TRAF7: variants seen among roughly 807,000 people sequenced by gnomAD.
TRAF7 encodes the protein TNF receptor associated factor 7.
In TRAF7, 45 loss-of-function variants were observed where a neutral mutation model predicts 89.3. The ratio of observed to expected loss-of-function variants is 0.50; its 90% confidence interval spans 0.40 to 0.65. The LOEUF is 0.65. Ranked by LOEUF, TRAF7 falls within the 30% of genes least tolerant of loss-of-function variation. TRAF7 has a pLI of 0.00. For synonymous variants in TRAF7, 406 were observed against 369.2 expected (o/e 1.10, Z -1.14); for missense variants, 677 against 918.1 (o/e 0.74, Z 3.39).
intron 4 of TRAF7, among the ~76,000 whole-genome samples, chr16:2,169,018 T>C (rs750603319): frequency 6.6e-6 from 1 of 152,112 alleles, no homozygotes; most frequent in Non-Finnish European, 1.5e-5. Context: ...GGACTTTTGC[T>C]CTTGCTGCCC....
intron 20 of TRAF7, 86 bp from the exon 21 acceptor site, chr16:2,176,474 G>C: frequency 6.2e-7 from 1 of 1,613,080 alleles, no homozygotes; most frequent in Non-Finnish European, 8.5e-7. Flanking sequence ...GCACAAAGTG[G>C]TGGAGGGCAG....
At chr16:2,171,949 ACTCTGCC>A (rs1366251315) in intron 7 of TRAF7, among the ~76,000 whole-genome samples, 6 of 151,488 alleles carry the variant, frequency 4.0e-5, no homozygotes, top group Admixed American at 1.3e-4. Context: ...GCCTCTCCGC[ACTCTGCC>A]CTCTGCCCTC....
Position 2,168,859 on chromosome 16 carries a change from A to T in TRAF7, c.231+691A>T, listed in dbSNP as rs2093097345. ...GACAGAGGCCAACTCTACCCTGGGCATGAAGGACTGGCCCAGCAGGGGGTG... is the reference window on the plus strand; with the variant it reads ...GACAGAGGCCAACTCTACCCTGGGCTTGAAGGACTGGCCCAGCAGGGGGTG... On this transcript the variant is annotated intron_variant, in intron 4 of 20. Transcript: ENST00000326181. This position sits in a 1 kb window ranked among gnomAD's most constrained non-coding sequence, Gnocchi z 4.1. Among the ~76,000 whole-genome samples, 1 of 151,616 alleles carries T rather than the reference A, an allele frequency of 6.6e-6. No homozygotes were observed. Among genetic ancestry groups the T allele is most frequent in the Non-Finnish European group, 1.5e-5 (1 of 67,912 alleles).
At position 2,163,018 on chromosome 16, in the gene TRAF7, C is replaced by CA. The variant is rs2093063879; in HGVS notation, c.-38-865_-38-864insA. ...CAGCATGGACAGCCCCTTCCCCGGG[C>CA]TCTGTCCTGGGTGTGACCTGTTGGC... On this transcript the variant is annotated intron_variant, in intron 1 of 20. Transcript: ENST00000326181. This position sits in a 1 kb window ranked among gnomAD's most constrained non-coding sequence, Gnocchi z 4.3. Among the ~76,000 whole-genome samples the CA allele has an allele frequency of 6.6e-6, 1 of 151,166 alleles. No individual in the cohort carries two copies. Among genetic ancestry groups the CA allele is most frequent in the Non-Finnish European group, 1.5e-5 (1 of 67,806 alleles).
chr16:2,165,381 C>T (rs1180091611), intron 2 of TRAF7, among the ~76,000 whole-genome samples: 13 of 138,688 alleles, frequency 9.4e-5, no homozygotes, highest in African/African-American at 3.1e-4. Flanking sequence ...GCGGCCTGGT[C>T]GCATGGTTAA....
Position 2,171,349 on chromosome 16 carries a change from C to T in TRAF7, c.434C>T (p.Thr145Met), listed in dbSNP as rs768242605. 37 of 1,551,856 alleles carry T rather than the reference C, an allele frequency of 2.4e-5. No homozygotes were observed. The highest frequency in any genetic ancestry group is 7.3e-5 in the East Asian group (3 of 41,292). Reference protein sequence around the residue: ...CSVFKDPVITTCGHTFCRRCA... With the variant: ...CSVFKDPVITMCGHTFCRRCA... ...GTCTTCAAAGACCCCGTGATCACCACGTGTGGGGTGAGCCCGCCGCCCTTC... is the reference window on the plus strand; with the variant it reads ...GTCTTCAAAGACCCCGTGATCACCATGTGTGGGGTGAGCCCGCCGCCCTTC... The change falls in exon 6 of 21, where the codon ACG (threonine) becomes ATG (methionine). Residue 145 changes from threonine to methionine, a missense_variant. Coordinates refer to ENST00000326181, the MANE Select transcript of TRAF7 (RefSeq NM_032271.3).
intron 1 of TRAF7, among the ~76,000 whole-genome samples, chr16:2,156,597 AG>A (rs1182570713): frequency 6.6e-6 from 1 of 152,034 alleles, no homozygotes; most frequent in Non-Finnish European, 1.5e-5. Context: ...GACATGCAGG[AG>A]GAGCATTCCA....
At position 2,176,106 on chromosome 16, in the gene TRAF7, G is replaced by C; in HGVS notation, c.1804G>C (p.Val602Leu). Residue 602 changes from valine (V) to leucine (L), a missense_variant, in exon 19 of 21, where the codon GTG becomes CTG. By Grantham distance (32) the Val-to-Leu change is conservative. Transcript: ENST00000326181. ...VRTLTGHVGT[V>L]YALAVISTPD... ...GACCCTCACGGGCCACGTGGGCACCGTGTATGCCCTGGCGGTCATCTCGAC... is the reference window on the plus strand; with the variant it reads ...GACCCTCACGGGCCACGTGGGCACCCTGTATGCCCTGGCGGTCATCTCGAC... 6.2e-7 allele frequency: 1 copy of C among 1,611,386 alleles called. No homozygotes were observed. Among genetic ancestry groups the C allele is most frequent in the Non-Finnish European group, 8.5e-7 (1 of 1,179,582 alleles).
Position 2,173,363 on chromosome 16 carries a change from A to G in TRAF7, c.976A>G (p.Ile326Val), listed in dbSNP as rs2093121678. The change falls in exon 10 of 21, where the codon ATC becomes GTC. Residue 326 changes from isoleucine to valine, a missense_variant. By Grantham distance (29) the Ile-to-Val change is conservative. This residue lies in a region of TRAF7 where 238 missense variants were observed against 352.6 expected (regional missense o/e 0.67). Transcript: ENST00000326181. ...RSMLGKLSEKIDQLEKSLELK... is the reference protein window; with the variant it reads ...RSMLGKLSEKVDQLEKSLELK... Reference sequence around the variant, plus strand: ...CATGCTGGGAAAGCTCTCGGAGAAGATCGACCAGCTAGAGAAGAGCCTGGA... The same window carrying G: ...CATGCTGGGAAAGCTCTCGGAGAAGGTCGACCAGCTAGAGAAGAGCCTGGA... The G allele has an allele frequency of 6.2e-7, 1 of 1,613,444 alleles. No individual in the cohort carries two copies. The highest frequency in any genetic ancestry group is 8.5e-7 in the Non-Finnish European group (1 of 1,180,012).
Position 2,168,316 on chromosome 16 carries a change from A to T in TRAF7, c.231+148A>T, listed in dbSNP as rs2093095057. ...TGTGGATACCCTGAGGCCTCGGCAG[A>T]CATGGCAAGTCTGTGAGAAAGGAGG... On this transcript the variant is annotated intron_variant, in intron 4 of 20. Coordinates refer to ENST00000326181, the MANE Select transcript of TRAF7 (RefSeq NM_032271.3). This position sits in a 1 kb window ranked among gnomAD's most constrained non-coding sequence, Gnocchi z 4.1. 2 of 627,168 alleles carry T rather than the reference A, an allele frequency of 3.2e-6. No homozygotes were observed. Among genetic ancestry groups the T allele is most frequent in the Non-Finnish European group, 5.4e-6 (2 of 371,594 alleles). The allele number at this position is 627,168 out of a possible 1,614,324, so 38.9% of individuals were successfully genotyped here.
chr16:2,163,653 T>G lies in TRAF7; in HGVS notation c.-38-230T>G. 3.9e-6 allele frequency: 2 copies of G among 513,910 alleles called. No homozygotes were observed. The highest frequency in any genetic ancestry group is 7.1e-6 in the Non-Finnish European group (2 of 282,712). 31.8% of individuals were successfully genotyped at this position (513,910 alleles called of 1,614,324 possible). A position where few individuals can be genotyped will look rare whatever the true frequency, so the allele number is the denominator to read the frequency against. On this transcript the variant is annotated intron_variant, in intron 1 of 20. Transcript: ENST00000326181. The surrounding 1 kb of genome is among the most constrained non-coding windows in gnomAD (Gnocchi z 4.3). ...TCGGGAGCTCAGAAAGGCTAAGCCT[T>G]GAGGGACGGTGACGCAGAGCCGCCT...
Position 2,177,487 on chromosome 16 carries a change from G to A in TRAF7, c.*913G>A, listed in dbSNP as rs2093143221. The A allele has an allele frequency of 4.3e-6, 1 of 233,382 alleles. No individual in the cohort carries two copies. Among genetic ancestry groups the A allele is most frequent in the South Asian group, 1.8e-4 (1 of 5,600 alleles). The allele number at this position is 233,382 out of a possible 1,614,324, so 14.5% of individuals were successfully genotyped here. ...GTGGATCAGCAAACACGATAGAGGA[G>A]ACCAGTCAGTACTTCTTGGAGGGGG... On this transcript the variant is annotated 3_prime_UTR_variant, in exon 21 of 21. Transcript: ENST00000326181.
intron 1 of TRAF7, among the ~76,000 whole-genome samples, chr16:2,157,726 G>C (rs941219819): frequency 6.6e-6 from 1 of 152,098 alleles, no homozygotes; most frequent in African/African-American, 2.4e-5. Context: ...CCTGGCTCTG[G>C]GATGCAGCCA....
In TRAF7 at chr16:2,170,475, G is replaced by A. The variant is rs1426437790; in HGVS notation, c.232-139G>A. ...CCCACGCCCACCCACGGCCCCCGTG[G>A]ACGAGGAGAGTACCCGCAGGGACCG... On this transcript the variant is annotated intron_variant, in intron 4 of 20. Transcript: ENST00000326181. 15 of 645,118 alleles carry A rather than the reference G, an allele frequency of 2.3e-5. No homozygotes were observed. In the Admixed American group the frequency reaches 3.7e-4, roughly 16 times the overall value. 40.0% of individuals were successfully genotyped at this position (645,118 alleles called of 1,614,324 possible).
Position 2,176,746 on chromosome 16 carries a change from C to G in TRAF7, c.*172C>G. Reference sequence around the variant, plus strand: ...CCCATGCTCGGCGAGCCTCCCTCTACTCGGCACTGTCCTTGCTGCCCAGCC... The same window carrying G: ...CCCATGCTCGGCGAGCCTCCCTCTAGTCGGCACTGTCCTTGCTGCCCAGCC... On this transcript the variant is annotated 3_prime_UTR_variant, in exon 21 of 21. Transcript: ENST00000326181. 3.2e-6 allele frequency: 3 copies of G among 945,944 alleles called. No individual in the cohort carries two copies. The highest frequency in any genetic ancestry group is 4.9e-6 in the Non-Finnish European group (3 of 615,026). 58.6% of individuals were successfully genotyped at this position (945,944 alleles called of 1,614,324 possible). A position where few individuals can be genotyped will look rare whatever the true frequency, so the allele number is the denominator to read the frequency against.
chr16:2,161,264 C>CCCCTCGAG lies in TRAF7; in HGVS notation c.-38-2614_-38-2613insGAGCCCTC, dbSNP rs1229030047. ...CCTCCGTCCCCTCCCTCCTTCCGTC[C>CCCCTCGAG]CCCTCAGCTGGCGCTCGATGGGGTC... is the stretch of plus-strand genomic sequence containing the variant. On this transcript the variant is annotated intron_variant, in intron 1 of 20. Transcript: ENST00000326181. This position sits in a 1 kb window ranked among gnomAD's most constrained non-coding sequence, Gnocchi z 5.2. Among the ~76,000 whole-genome samples, 1 of 149,988 alleles carries CCCCTCGAG rather than the reference C, an allele frequency of 6.7e-6. No individual in the cohort carries two copies. The highest frequency in any genetic ancestry group is 1.5e-5 in the Non-Finnish European group (1 of 67,442).
Position 2,168,760 on chromosome 16 carries a change from G to T in TRAF7, c.231+592G>T, listed in dbSNP as rs967010589. ...TGGCTGCTGGTACCTGAGCCCTGTG[G>T]CCAGGGTCTCAGTGGCCGTTCCCTG... On this transcript the variant is annotated intron_variant, in intron 4 of 20. Transcript: ENST00000326181. This position sits in a 1 kb window ranked among gnomAD's most constrained non-coding sequence, Gnocchi z 4.1. Among the ~76,000 whole-genome samples the T allele has an allele frequency of 2.0e-5, 3 of 152,254 alleles. No individual in the cohort carries two copies. In the East Asian group the frequency reaches 5.8e-4, roughly 29 times the overall value.
rs759406878 is a variant in TRAF7 at position 2,173,578 on chromosome 16, C to A, written c.1086+24C>A. On this transcript the variant is annotated intron_variant, in intron 11 of 20. Transcript: ENST00000326181. ...ATGTGAGCGGGCGGGGCTGGAGGGG[C>A]TGGGTTGTGAGACCCGGGGAGGCCG... 5 of 1,609,856 alleles carry A rather than the reference C, an allele frequency of 3.1e-6. No individual in the cohort carries two copies. The South Asian group carries it at 5.5e-5, about 18-fold the overall frequency.
chr16:2,165,187 G>A, intron 2 of TRAF7, among the ~76,000 whole-genome samples: 1 of 142,100 alleles, frequency 7.0e-6, no homozygotes, highest in Non-Finnish European at 1.5e-5. Context: ...GCATGGTTAA[G>A]CGTGTGAGTG....
Sources: allele counts gnomAD v4.1 joint callset (sites outside exome capture counted in the v4.1 genomes callset), GRCh38; gene constraint gnomAD v4.1.1; regional missense constraint gnomAD v4.1.1; non-coding constraint Gnocchi (gnomAD v3.1); transcripts MANE v1.5; gene names NCBI Gene and HGNC (gene_info 2026-07-23, HGNC 2026-07-21).